ERGIC2: variants seen among roughly 807,000 people sequenced by gnomAD.
ERGIC2 encodes the protein ERGIC and golgi 2.
Under a neutral mutation model 52.5 loss-of-function variants are expected in ERGIC2, and 31 were observed. The ratio of observed to expected loss-of-function variants is 0.59; its 90% CI spans 0.44 to 0.80. The LOEUF is 0.80. ERGIC2 is among the 30% of genes least tolerant of loss of function. The pLI is 0.00. For missense variants in ERGIC2, 395 were observed against 455.2 expected (o/e 0.87, Z 1.20); for synonymous variants, 129 against 140.6 (o/e 0.92, Z 0.58).
At chr12:29,341,272 C>G in intron 13 of ERGIC2, 54 bp from the exon 14 acceptor site, 2 of 1,360,576 alleles carry the variant, frequency 1.5e-6, no homozygotes, top group Non-Finnish European at 2.1e-6. Flanking sequence ...ATTCCTTATA[C>G]TCTTTCCTCT....
At chr12:29,349,985 T>TA in intron 9 of ERGIC2, 28 bp downstream of exon 9, 1 of 1,464,644 alleles carries the variant, frequency 6.8e-7, no homozygotes, top group South Asian at 1.2e-5. Context: ...AGTACATCTT[T>TA]ACTGAAAAAA....
intron 10 of ERGIC2, among the ~76,000 whole-genome samples, chr12:29,347,018 G>A (rs1482457752): frequency 1.3e-5 from 2 of 152,244 alleles, no homozygotes; most frequent in East Asian, 1.9e-4. Flanking sequence ...GAACCCAGGC[G>A]GTTCCACTCA....
rs1162936809 is a variant in ERGIC2, at chr12:29,337,852, GCA to G, written c.*3302_*3303del. On this transcript the variant is annotated 3_prime_UTR_variant, in exon 14 of 14. Transcript: ENST00000360150. ...TACTAACTCAGGACATAGATGGAAT[GCA>G]CAGTGTATCTCTCTTACACTATTAA... 1.3e-5 allele frequency: 2 copies of G among 152,114 alleles called. No homozygotes were observed. The highest frequency in any genetic ancestry group is 2.9e-5 in the Non-Finnish European group (2 of 68,014). The allele number at this position is 152,114 out of a possible 1,614,324, so 9.4% of individuals were successfully genotyped here.
intron 2 of ERGIC2, among the ~76,000 whole-genome samples, chr12:29,371,051 T>G (rs2136878644): frequency 6.6e-6 from 1 of 152,248 alleles, no homozygotes. Flanking sequence ...TTATACTGAA[T>G]ATTGTTATAG....
chr12:29,342,446 T>A (rs901294661), intron 12 of ERGIC2, among the ~76,000 whole-genome samples: 22 of 152,248 alleles, frequency 1.4e-4, no homozygotes, highest in Admixed American at 7.9e-4. Context: ...TTCATTCATT[T>A]AAAAATATGA....
chr12:29,361,758 T>A, intron 5 of ERGIC2, 73 bp from the exon 6 acceptor site: 1 of 1,296,394 alleles, frequency 7.7e-7, no homozygotes, highest in African/African-American at 1.5e-5. Flanking sequence ...TTAAAATTTT[T>A]TCTTTGAGCA....
intron 1 of ERGIC2, chr12:29,372,355 A>AAATAATAAT (rs953877272): frequency 6.6e-6 from 1 of 151,250 alleles, no homozygotes; most frequent in African/African-American, 2.4e-5. Flanking sequence ...ATAAAAATAA[A>AAATAATAAT]AATAATAATA....
intron 13 of ERGIC2, 114 bp from the exon 14 acceptor site, chr12:29,341,332 T>C (rs957987323): frequency 2.6e-6 from 2 of 780,736 alleles, no homozygotes; most frequent in Non-Finnish European, 4.3e-6. Context: ...CAAAAGCTAC[T>C]ATTTCTCTCT....
chr12:29,354,786 A>C (rs1940179550), intron 8 of ERGIC2, among the ~76,000 whole-genome samples: 1 of 152,164 alleles, frequency 6.6e-6, no homozygotes, highest in Admixed American at 6.5e-5. Flanking sequence ...GAGTCTGATT[A>C]TAATATTTGT....
chr12:29,378,376 CTTTTG>C (rs1226131356), intron 1 of ERGIC2, among the ~76,000 whole-genome samples: 3 of 152,086 alleles, frequency 2.0e-5, no homozygotes, highest in Admixed American at 6.6e-5. Flanking sequence ...GAATAAATTT[CTTTTG>C]TTTTAAGCCT....
Position 29,337,616 on chromosome 12 carries a change from G to A in ERGIC2, c.*3540C>T, listed in dbSNP as rs1714136989. ...CTGGTGACCTCTCTATTTTGATTGT[G>A]TTGAAAAAGGGCTACCACCTTGGCT... is the stretch of plus-strand genomic sequence containing the variant. On this transcript the variant is annotated 3_prime_UTR_variant, in exon 14 of 14. Coordinates refer to ENST00000360150, the MANE Select transcript of ERGIC2 (RefSeq NM_016570.3). 6.6e-6 allele frequency: 1 copy of A among 152,112 alleles called. No homozygotes were observed. The allele number at this position is 152,112 out of a possible 1,614,324, so 9.4% of individuals were successfully genotyped here.
In ERGIC2 at chr12:29,370,108, G is replaced by T; in HGVS notation, c.215+6C>A. ...AAGGTATTCCAAGAAGAAAAAAAAT[G>T]ATTACCTAGAAAAATCCTTGTCTAC... On this transcript the variant is annotated splice_donor_region_variant and intron_variant, in intron 3 of 13. Coordinates refer to ENST00000360150, the MANE Select transcript of ERGIC2 (RefSeq NM_016570.3). 6.7e-7 allele frequency: 1 copy of T among 1,492,560 alleles called. No individual in the cohort carries two copies. Among genetic ancestry groups the T allele is most frequent in the Non-Finnish European group, 8.8e-7 (1 of 1,131,374 alleles). The allele number at this position is 1,492,560 out of a possible 1,614,324, so 92.5% of individuals were successfully genotyped here. A position where few individuals can be genotyped will look rare whatever the true frequency, so the allele number is the denominator to read the frequency against.
chr12:29,372,029 C>T (rs1940447762), intron 1 of ERGIC2, among the ~76,000 whole-genome samples: 1 of 151,940 alleles, frequency 6.6e-6, no homozygotes, highest in African/African-American at 2.4e-5. Flanking sequence ...AGTAAAATGG[C>T]CTGCTCATAC....
chr12:29,341,032 T>A lies in ERGIC2; in HGVS notation c.*124A>T. The stretch of plus-strand genomic sequence containing the variant: ...TTTTTTTATCCTTTTTTTTCTTTTT[T>A]AAAATAAGTATGTTTTCTGCTTATT... On this transcript the variant is annotated 3_prime_UTR_variant, in exon 14 of 14. Coordinates refer to ENST00000360150, the MANE Select transcript of ERGIC2 (RefSeq NM_016570.3). 1.3e-6 allele frequency: 1 copy of A among 745,708 alleles called. No individual in the cohort carries two copies. Among genetic ancestry groups the A allele is most frequent in the Admixed American group, 3.0e-5 (1 of 33,776 alleles). The allele number at this position is 745,708 out of a possible 1,614,324, so 46.2% of individuals were successfully genotyped here. A position where few individuals can be genotyped will look rare whatever the true frequency, so the allele number is the denominator to read the frequency against.
Position 29,368,272 on chromosome 12 carries a change from ATTAATTC to A in ERGIC2, c.224_230del (p.Arg75IlefsTer2). ...ACTTCATGGCAACAGTAATATCTAT[ATTAATTC>A]TTAATTTGCTGAAAGACAAAATATT... On this transcript the variant is annotated frameshift_variant, in exon 4 of 14. Coordinates refer to ENST00000360150, the MANE Select transcript of ERGIC2 (RefSeq NM_016570.3). LOFTEE classifies it high-confidence loss of function. 2 of 1,547,848 alleles carry A rather than the reference ATTAATTC, an allele frequency of 1.3e-6. No homozygotes were observed. Among genetic ancestry groups the A allele is most frequent in the Non-Finnish European group, 1.8e-6 (2 of 1,121,906 alleles).
At chr12:29,364,299 G>A (rs148367312) in intron 5 of ERGIC2, among the ~76,000 whole-genome samples, 39 of 152,042 alleles carry the variant, frequency 2.6e-4, no homozygotes, top group Non-Finnish European at 4.1e-4. Flanking sequence ...CAGAAATCAA[G>A]CTGCACACCT....
In ERGIC2 at chr12:29,356,424, T is replaced by C; in HGVS notation, c.530A>G (p.Tyr177Cys). ...PNACRIHGHL[Y>C]VNKVAGNFHI... is the part of the protein sequence containing the mutation. ...AAAATTCCCTGCTACTTTATTGACA[T>C]ATAGATGGCCATGAATTCTGCATGC... The change falls in exon 8 of 14, where the codon TAT (tyrosine) becomes TGT (cysteine). Residue 177 changes from tyrosine to cysteine, a missense_variant. Tyr to Cys is a radical substitution (Grantham distance 194). Coordinates refer to ENST00000360150, the MANE Select transcript of ERGIC2 (RefSeq NM_016570.3). 2 of 1,603,776 alleles carry C rather than the reference T, an allele frequency of 1.2e-6. No individual in the cohort carries two copies. The highest frequency in any genetic ancestry group is 1.7e-6 in the Non-Finnish European group (2 of 1,170,660).
At chr12:29,377,683 A>T (rs998705928) in intron 1 of ERGIC2, among the ~76,000 whole-genome samples, 2 of 152,200 alleles carry the variant, frequency 1.3e-5, no homozygotes, top group African/African-American at 4.8e-5. Context: ...TTCCTAAGAC[A>T]TAAGAGACTC....
chr12:29,356,391 G>A lies in ERGIC2; in HGVS notation c.563C>T (p.Thr188Ile), dbSNP rs373592856. 48 of 1,565,276 alleles carry A rather than the reference G, an allele frequency of 3.1e-5. No homozygotes were observed. The highest frequency in any genetic ancestry group is 4.1e-5 in the Non-Finnish European group (47 of 1,135,798). The change falls in exon 8 of 14, where the codon ACA becomes ATA. Residue 188 changes from threonine to isoleucine, a missense_variant. Transcript: ENST00000360150. ...VNKVAGNFHITVGKAIPHPRG... is the reference protein window; with the variant it reads ...VNKVAGNFHIIVGKAIPHPRG... ...AGTGAAAAGAACATACTTGCCCACT[G>A]TTATGTGAAAATTCCCTGCTACTTT...
Sources: gnomAD v4.1 joint callset for allele counts (sites outside exome capture counted in the v4.1 genomes callset) on GRCh38, gnomAD v4.1.1 for gene constraint, MANE v1.5 for transcripts, NCBI Gene and HGNC (gene_info 2026-07-23, HGNC 2026-07-21) for gene names.